FOXJ1: variants seen among roughly 807,000 people sequenced by gnomAD.
FOXJ1 encodes the protein forkhead box protein J1.
In FOXJ1, 8 loss-of-function variants were observed where a neutral mutation model predicts 29.3. The observed-to-expected ratio is 0.27, with a 90% CI of 0.16 to 0.49. The LOEUF (loss-of-function observed/expected upper bound fraction) is 0.49. FOXJ1 is among the 20% of genes least tolerant of loss of function. FOXJ1 has a pLI of 0.98. For missense variants in FOXJ1, 539 were observed against 595.5 expected (o/e 0.91, Z 0.99); for synonymous variants, 280 against 278.7 (o/e 1.00, Z -0.05).
intron 2 of FOXJ1, 104 bp from the exon 3 acceptor site, chr17:76,138,224 G>A: frequency 1.5e-6 from 2 of 1,294,394 alleles, no homozygotes; most frequent in Non-Finnish European, 2.2e-6. Flanking sequence ...TCTTTTCTCT[G>A]GCAGGGGAGA....
rs982514805 is a variant in FOXJ1, at chr17:76,136,516, T to C, written c.*837A>G. ...CAGGGGCGTGGGGTACCCCGCTTCT[T>C]GGTCCCAGTAGTTCCAGCAAGCTCG... On this transcript the variant is annotated 3_prime_UTR_variant, in exon 3 of 3. Transcript: ENST00000322957. This position sits in a 1 kb window ranked among gnomAD's most constrained non-coding sequence, Gnocchi z 4.9. 3.9e-5 allele frequency: 6 copies of C among 152,126 alleles called. No homozygotes were observed. The highest frequency in any genetic ancestry group is 1.5e-4 in the African/African-American group (6 of 41,328). The allele number at this position is 152,126 out of a possible 1,614,324, so 9.4% of individuals were successfully genotyped here.
rs781585693 is a variant in FOXJ1 at position 76,139,920 on chromosome 17, C to T, written c.476G>A (p.Arg159His). 1 of 1,601,278 alleles carries T rather than the reference C, an allele frequency of 6.2e-7. No homozygotes were observed. Residue 159 changes from arginine to histidine, a missense_variant, in exon 2 of 3, where the codon CGC (arginine) becomes CAC (histidine). Arg to His is a conservative substitution (Grantham distance 29). Coordinates refer to ENST00000322957, the MANE Select transcript of FOXJ1 (RefSeq NM_001454.4). The surrounding 1 kb of genome is among the most constrained non-coding windows in gnomAD (Gnocchi z 6.6). ...KWITDNFCYF[R>H]HADPTWQNSI... ...TACCTGCCAGGTGGGATCTGCGTGG[C>T]GGAAGTAGCAGAAGTTGTCCGTGAT...
rs1479341308 is a variant in FOXJ1 at position 76,140,677 on chromosome 17, C to A, written c.-169-113G>T. Reference sequence around the variant, plus strand: ...GCAGCTGGGGAGGATCTTTTAGTGCCGAGGTATGGGAAACAGAAGCAAGGC... The same window carrying A: ...GCAGCTGGGGAGGATCTTTTAGTGCAGAGGTATGGGAAACAGAAGCAAGGC... On this transcript the variant is annotated intron_variant, in intron 1 of 2. Transcript: ENST00000322957. The surrounding 1 kb of genome is among the most constrained non-coding windows in gnomAD (Gnocchi z 8.0). 3 of 401,262 alleles carry A rather than the reference C, an allele frequency of 7.5e-6. No individual in the cohort carries two copies. Among genetic ancestry groups the A allele is most frequent in the Non-Finnish European group, 1.3e-5 (3 of 226,832 alleles). The allele number at this position is 401,262 out of a possible 1,614,324, so 24.9% of individuals were successfully genotyped here. A position where few individuals can be genotyped will look rare whatever the true frequency, so the allele number is the denominator to read the frequency against.
In FOXJ1 at chr17:76,138,008, C is replaced by A. The variant is rs117894313; in HGVS notation, c.611G>T (p.Arg204Leu). 2 of 1,613,156 alleles carry A rather than the reference C, an allele frequency of 1.2e-6. No homozygotes were observed. The highest frequency in any genetic ancestry group is 1.7e-6 in the Non-Finnish European group (2 of 1,179,726). Residue 204 changes from arginine (R) to leucine (L), a missense_variant, in exon 3 of 3, where the codon CGG becomes CTG. Physicochemically the swap from Arg to Leu is moderately radical, Grantham distance 102 (BLOSUM62 -2). Transcript: ENST00000322957. ...CTTCTTGAAAGCGCCGCTCAGTAGC[C>A]GCTCCGCGTACTGGGGGTCAATGCG... is the stretch of plus-strand genomic sequence containing the variant. ...FWRIDPQYAERLLSGAFKKRR... is the reference protein window; with the variant it reads ...FWRIDPQYAELLLSGAFKKRR...
At chr17:76,138,207 C>T (rs921282228) in intron 2 of FOXJ1, 87 bp from the exon 3 acceptor site, 5 of 1,393,390 alleles carry the variant, frequency 3.6e-6, no homozygotes, top group African/African-American at 2.9e-5. Flanking sequence ...CTGCTGCGCA[C>T]CCCCCATCTT....
Position 76,139,934 on chromosome 17 carries a change from G to A in FOXJ1, c.462C>T (p.Asn154=), listed in dbSNP as rs1359948336. The stretch of plus-strand genomic sequence containing the variant: ...GATCTGCGTGGCGGAAGTAGCAGAA[G>A]TTGTCCGTGATCCACTTGTAGATGG... ...LSAIYKWITD[N]FCYFRHADPT... The change falls in exon 2 of 3, where the codon AAC becomes AAT. Residue 154 remains asparagine (N), a synonymous_variant. Coordinates refer to ENST00000322957, the MANE Select transcript of FOXJ1 (RefSeq NM_001454.4). This position sits in a 1 kb window ranked among gnomAD's most constrained non-coding sequence, Gnocchi z 6.6. 2.5e-6 allele frequency: 4 copies of A among 1,609,156 alleles called. No individual in the cohort carries two copies. The South Asian group carries it at 3.3e-5, about 13-fold the overall frequency.
chr17:76,139,379 A>G lies in FOXJ1; in HGVS notation c.498+519T>C, dbSNP rs577012983. Among the ~76,000 whole-genome samples the G allele has an allele frequency of 6.6e-6, 1 of 152,288 alleles. No homozygotes were observed. Among genetic ancestry groups the G allele is most frequent in the African/African-American group, 2.4e-5 (1 of 41,568 alleles). ...CTCCATTGGGACACACCTGGCCCTC[A>G]CATGCTAAGGCACCCCTTCCATTCC... On this transcript the variant is annotated intron_variant, in intron 2 of 2. Coordinates refer to ENST00000322957, the MANE Select transcript of FOXJ1 (RefSeq NM_001454.4). This position sits in a 1 kb window ranked among gnomAD's most constrained non-coding sequence, Gnocchi z 6.6.
chr17:76,137,828 C>A lies in FOXJ1; in HGVS notation c.791G>T (p.Gly264Val), dbSNP rs759076774. Residue 264 changes from glycine to valine, a missense_variant, in exon 3 of 3, where the codon GGT becomes GTT. Physicochemically the swap from Gly to Val is moderately radical, Grantham distance 109. Transcript: ENST00000322957. The surrounding 1 kb of genome is among the most constrained non-coding windows in gnomAD (Gnocchi z 9.5). ...ATGCCCCAGCCTGCCCTCGCCTGCA[C>A]CCCAGCCCGCCTCCCCGGTGGCCTC... ...FEEATGEAGW[G>V]AGEGRLGHKR... The A allele has an allele frequency of 1.3e-6, 2 of 1,594,840 alleles. No individual in the cohort carries two copies. Among genetic ancestry groups the A allele is most frequent in the East Asian group, 2.3e-5 (1 of 44,068 alleles).
At position 76,136,375 on chromosome 17, in the gene FOXJ1, A is replaced by G. The variant is rs941260687; in HGVS notation, c.*978T>C. ...TTTATTTTTAAAAACTTTTCATTGT[A>G]AATAACTTTCATGAAAAAGGTTAAA... On this transcript the variant is annotated 3_prime_UTR_variant, in exon 3 of 3. Transcript: ENST00000322957. The surrounding 1 kb of genome is among the most constrained non-coding windows in gnomAD (Gnocchi z 4.9). 2 of 152,070 alleles carry G rather than the reference A, an allele frequency of 1.3e-5. No individual in the cohort carries two copies. The highest frequency in any genetic ancestry group is 1.9e-4 in the East Asian group (1 of 5,180). The allele number at this position is 152,070 out of a possible 1,614,324, so 9.4% of individuals were successfully genotyped here.
Position 76,137,263 on chromosome 17 carries a change from T to C in FOXJ1, c.*90A>G. The stretch of plus-strand genomic sequence containing the variant: ...TTGGAGCCCTGGCCCAGCCCCTGCC[T>C]AGGTGGTGGGGTGTCTGTGGACCTG... On this transcript the variant is annotated 3_prime_UTR_variant, in exon 3 of 3. Transcript: ENST00000322957. The surrounding 1 kb of genome is among the most constrained non-coding windows in gnomAD (Gnocchi z 9.5). 1.7e-6 allele frequency: 2 copies of C among 1,170,268 alleles called. No individual in the cohort carries two copies. Among genetic ancestry groups the C allele is most frequent in the Non-Finnish European group, 2.3e-6 (2 of 886,972 alleles). 72.5% of individuals were successfully genotyped at this position (1,170,268 alleles called of 1,614,324 possible).
In FOXJ1 at chr17:76,140,345, G is replaced by C. The variant is rs754890023; in HGVS notation, c.51C>G (p.Ala17=). ...RLSGAGPAEE[A]GPEGGLEEPD... ...GCTCCTCCAGGCCGCCCTCCGGCCC[G>C]GCCTCCTCCGCCGGCCCGGCTCCCG... Residue 17 remains alanine, a synonymous_variant, in exon 2 of 3, where the codon GCC becomes GCG. Coordinates refer to ENST00000322957, the MANE Select transcript of FOXJ1 (RefSeq NM_001454.4). This position sits in a 1 kb window ranked among gnomAD's most constrained non-coding sequence, Gnocchi z 8.0. 2 of 1,498,550 alleles carry C rather than the reference G, an allele frequency of 1.3e-6. No individual in the cohort carries two copies. The highest frequency in any genetic ancestry group is 1.8e-6 in the Non-Finnish European group (2 of 1,130,484). The allele number at this position is 1,498,550 out of a possible 1,614,324, so 92.8% of individuals were successfully genotyped here.
At position 76,140,327 on chromosome 17, in the gene FOXJ1, C is replaced by G; in HGVS notation, c.69G>C (p.Leu23=). 6.7e-7 allele frequency: 1 copy of G among 1,499,476 alleles called. No homozygotes were observed. 92.9% of individuals were successfully genotyped at this position (1,499,476 alleles called of 1,614,324 possible). The part of the protein sequence containing the change: ...PAEEAGPEGG[L]EEPDALDDSL... ...TGTCATCCAGGGCGTCGGGCTCCTC[C>G]AGGCCGCCCTCCGGCCCGGCCTCCT... The change falls in exon 2 of 3, where the codon CTG becomes CTC. Residue 23 remains leucine, a synonymous_variant. Transcript: ENST00000322957. This position sits in a 1 kb window ranked among gnomAD's most constrained non-coding sequence, Gnocchi z 8.0.
At position 76,137,844 on chromosome 17, in the gene FOXJ1, C is replaced by T. The variant is rs771639252; in HGVS notation, c.775G>A (p.Gly259Arg). The change falls in exon 3 of 3, where the codon GGG (glycine) becomes AGG (arginine). Residue 259 changes from glycine (G) to arginine (R), a missense_variant. Gly to Arg is a moderately radical substitution (Grantham distance 125). Coordinates refer to ENST00000322957, the MANE Select transcript of FOXJ1 (RefSeq NM_001454.4). The surrounding 1 kb of genome is among the most constrained non-coding windows in gnomAD (Gnocchi z 9.5). Reference sequence around the variant, plus strand: ...TCGCCTGCACCCCAGCCCGCCTCCCCGGTGGCCTCCTCGAACTCCCGCAGC... The same window carrying T: ...TCGCCTGCACCCCAGCCCGCCTCCCTGGTGGCCTCCTCGAACTCCCGCAGC... ...QLLREFEEAT[G>R]EAGWGAGEGR... 30 of 1,591,972 alleles carry T rather than the reference C, an allele frequency of 1.9e-5. No individual in the cohort carries two copies. Among genetic ancestry groups the T allele is most frequent in the Non-Finnish European group, 2.5e-5 (29 of 1,169,548 alleles).
chr17:76,138,636 T>A (rs545889462), intron 2 of FOXJ1, among the ~76,000 whole-genome samples: 7 of 152,240 alleles, frequency 4.6e-5, no homozygotes, highest in Non-Finnish European at 8.8e-5. Flanking sequence ...TCCTTGTTTG[T>A]TGAGCCGGCT....
rs2068507740 is a variant in FOXJ1, at chr17:76,140,255, G to A, written c.141C>T (p.Ala47=). The A allele has an allele frequency of 4.8e-6, 7 of 1,470,474 alleles. No individual in the cohort carries two copies. The highest frequency in any genetic ancestry group is 4.5e-6 in the Non-Finnish European group (5 of 1,122,056). The allele number at this position is 1,470,474 out of a possible 1,614,324, so 91.1% of individuals were successfully genotyped here. ...QWLQEFSILN[A]KAPALPPGGT... is the part of the protein sequence containing the mutation. ...CCCCCGGGGGCAGGGCGGGGGCCTTGGCGTTGAGAATGGAGAATTCCTGCA... is the reference window on the plus strand; with the variant it reads ...CCCCCGGGGGCAGGGCGGGGGCCTTAGCGTTGAGAATGGAGAATTCCTGCA... Residue 47 remains alanine (A), a synonymous_variant, in exon 2 of 3, where the codon GCC becomes GCT. Coordinates refer to ENST00000322957, the MANE Select transcript of FOXJ1 (RefSeq NM_001454.4). This position sits in a 1 kb window ranked among gnomAD's most constrained non-coding sequence, Gnocchi z 8.0.
chr17:76,138,238 G>GA (rs912512194), intron 2 of FOXJ1, 118 bp from the exon 3 acceptor site: 194 of 1,028,208 alleles, frequency 1.9e-4, no homozygotes, highest in Admixed American at 1.7e-3. Flanking sequence ...GGGGAGAGGA[G>GA]GGGGGGACAG....
rs753822616 is a variant in FOXJ1, at chr17:76,137,860, C to T, written c.759G>A (p.Glu253=). ...VNTEAQQLLR[E]FEEATGEAGW... is the part of the protein sequence containing the mutation. ...CCGCCTCCCCGGTGGCCTCCTCGAACTCCCGCAGCAGCTGCTGGGCCTCGG... is the reference window on the plus strand; with the variant it reads ...CCGCCTCCCCGGTGGCCTCCTCGAATTCCCGCAGCAGCTGCTGGGCCTCGG... Residue 253 remains glutamate (E), a synonymous_variant, in exon 3 of 3, where the codon GAG becomes GAA. Coordinates refer to ENST00000322957, the MANE Select transcript of FOXJ1 (RefSeq NM_001454.4). This position sits in a 1 kb window ranked among gnomAD's most constrained non-coding sequence, Gnocchi z 9.5. 1.3e-6 allele frequency: 2 copies of T among 1,587,934 alleles called. No homozygotes were observed. The highest frequency in any genetic ancestry group is 1.7e-6 in the Non-Finnish European group (2 of 1,167,040).
rs1186963257 is a variant in FOXJ1 at position 76,140,122 on chromosome 17, T to C, written c.274A>G (p.Thr92Ala). 2.5e-6 allele frequency: 4 copies of C among 1,587,652 alleles called. No homozygotes were observed. The highest frequency in any genetic ancestry group is 3.4e-6 in the Non-Finnish European group (4 of 1,173,812). The change falls in exon 2 of 3, where the codon ACG becomes GCG. Residue 92 changes from threonine to alanine, a missense_variant. Around this residue, in one of 3 missense-constraint regions of FOXJ1, gnomAD observed 178 missense variants for 254.4 expected, o/e 0.70. Transcript: ENST00000322957. This position sits in a 1 kb window ranked among gnomAD's most constrained non-coding sequence, Gnocchi z 8.0. ...LGQPHTPGKP[T>A]SSCTSRSAPP... ...GCGCTCCGCGACGTGCACGACGACG[T>C]GGGCTTGCCCGGCGTGTGTGGCTGC...
rs2068490221 is a variant in FOXJ1 at position 76,137,921 on chromosome 17, C to G, written c.698G>C (p.Ser233Thr). ...AFARQAAQEP[S>T]AVPRAGPLTV... ...CAGCGGCCCGGCCCGGGGGACAGCGCTGGGCTCCTGCGCGGCCTGGCGGGC... is the reference window on the plus strand; with the variant it reads ...CAGCGGCCCGGCCCGGGGGACAGCGGTGGGCTCCTGCGCGGCCTGGCGGGC... The change falls in exon 3 of 3, where the codon AGC becomes ACC. Residue 233 changes from serine (S) to threonine (T), a missense_variant. This residue lies in a region of FOXJ1 where 302 missense variants were observed against 293.6 expected (regional missense o/e 1.03). Coordinates refer to ENST00000322957, the MANE Select transcript of FOXJ1 (RefSeq NM_001454.4). This position sits in a 1 kb window ranked among gnomAD's most constrained non-coding sequence, Gnocchi z 9.5. The G allele has an allele frequency of 6.4e-7, 1 of 1,571,412 alleles. No individual in the cohort carries two copies. Among genetic ancestry groups the G allele is most frequent in the East Asian group, 2.3e-5 (1 of 43,420 alleles).
Sources: gnomAD v4.1 joint callset for allele counts (sites outside exome capture counted in the v4.1 genomes callset) on GRCh38, gnomAD v4.1.1 for gene constraint, gnomAD v4.1.1 regional missense constraint, Gnocchi (gnomAD v3.1) non-coding constraint, MANE v1.5 for transcripts, NCBI Gene and HGNC (gene_info 2026-07-23, HGNC 2026-07-21) for gene names.